Variants in ENPP3 observed in about 807,000 individuals in gnomAD.
ENPP3 encodes ectonucleotide pyrophosphatase/phosphodiesterase 3.
Under a neutral mutation model 117.8 loss-of-function variants are expected in ENPP3, and 104 were observed. The ratio of observed to expected loss-of-function variants is 0.88; its 90% CI spans 0.75 to 1.04. The LOEUF is 1.04. ENPP3 is among the 50% of genes least tolerant of loss of function. The pLI is 0.00. For missense variants in ENPP3, 1,026 were observed against 1,051.9 expected (o/e 0.98, Z 0.34); for synonymous variants, 380 against 349.9 (o/e 1.09, Z -0.96).
intron 7 of ENPP3, among the ~76,000 whole-genome samples, chr6:131,673,506 A>G (rs9493046): frequency 0.13 from 20,152 of 152,116 alleles, 1,715 homozygotes; most frequent in East Asian, 0.33. Flanking sequence ...AACAACAGAC[A>G]CTGGGGTCTG....
At chr6:131,728,624 C>A (rs1283904018) in intron 20 of ENPP3, among the ~76,000 whole-genome samples, 17 of 152,192 alleles carry the variant, frequency 1.1e-4, no homozygotes, top group Admixed American at 1.1e-3. Context: ...TTGGGATTCA[C>A]ATAAAAATGT....
intron 5 of ENPP3, among the ~76,000 whole-genome samples, chr6:131,656,051 GT>G (rs1309456046): frequency 6.6e-6 from 1 of 152,206 alleles, no homozygotes; most frequent in East Asian, 1.9e-4. Flanking sequence ...TTATGCTAGT[GT>G]TCTCTTTGCC....
At chr6:131,672,986 TA>T (rs1308853173) in intron 7 of ENPP3, among the ~76,000 whole-genome samples, 4 of 152,128 alleles carry the variant, frequency 2.6e-5, no homozygotes, top group Non-Finnish European at 4.4e-5. Context: ...TTAGCCAGGA[TA>T]TTTGATATAC....
intron 14 of ENPP3, among the ~76,000 whole-genome samples, chr6:131,692,941 TA>T (rs1183131646): frequency 1.4e-5 from 2 of 145,838 alleles, no homozygotes; most frequent in Non-Finnish European, 3.0e-5. Context: ...GATATATAGT[TA>T]TATATTATAC....
intron 11 of ENPP3, among the ~76,000 whole-genome samples, chr6:131,678,627 C>T (rs1016060818): frequency 2.0e-5 from 3 of 152,218 alleles, no homozygotes; most frequent in African/African-American, 4.8e-5. Context: ...CATGGAAACT[C>T]GTTGACAATT....
At chr6:131,741,934 A>G (rs772168093) in intron 24 of ENPP3, among the ~76,000 whole-genome samples, 2 of 152,176 alleles carry the variant, frequency 1.3e-5, no homozygotes, top group African/African-American at 2.4e-5. Context: ...AGGTGCTCAC[A>G]ATTAGAAATC....
intron 15 of ENPP3, among the ~76,000 whole-genome samples, chr6:131,707,023 T>A (rs1779656191): frequency 6.6e-6 from 1 of 151,216 alleles, no homozygotes; most frequent in African/African-American, 2.4e-5. Flanking sequence ...TGTTAACTTT[T>A]TAAAAACATG....
intron 14 of ENPP3, among the ~76,000 whole-genome samples, chr6:131,689,168 C>T (rs991400477): frequency 2.0e-5 from 3 of 152,108 alleles, no homozygotes; most frequent in African/African-American, 7.2e-5. Context: ...GCAAGTTATC[C>T]AGAAGATCTA....
chr6:131,737,058 A>C (rs1780412049), intron 21 of ENPP3, among the ~76,000 whole-genome samples: 3 of 152,212 alleles, frequency 2.0e-5, no homozygotes, highest in Admixed American at 2.0e-4. Flanking sequence ...CCCTAAATCC[A>C]GGATAATCTC....
At chr6:131,638,065 A>G (rs982414153) in intron 1 of ENPP3, among the ~76,000 whole-genome samples, 3 of 150,684 alleles carry the variant, frequency 2.0e-5, no homozygotes, top group Admixed American at 6.6e-5. Flanking sequence ...TCCCTTTGCC[A>G]TCAAACTTTT....
At chr6:131,646,274 CTGTGTGTGTGTGTG>C (rs34014584) in intron 2 of ENPP3, among the ~76,000 whole-genome samples, 1,474 of 145,604 alleles carry the variant, frequency 0.01, 25 homozygotes, top group African/African-American at 0.035. Flanking sequence ...TCTCAATACT[CTGTGTGTGTGTGTG>C]TGTGTGTGTG....
chr6:131,672,210 A>T (rs2114377722), intron 7 of ENPP3, among the ~76,000 whole-genome samples: 1 of 152,302 alleles, frequency 6.6e-6, no homozygotes, highest in Middle Eastern at 3.4e-3. Context: ...TAACCAGGAG[A>T]CATTCTGCTT....
chr6:131,685,450 GC>G lies in ENPP3; in HGVS notation c.1213del (p.Arg405AlafsTer36), dbSNP rs1779133135. ...INFFYMYEGPAPRIRAHNIPH... is the reference protein window; with the variant it reads ...INFFYMYEGPXPRIRAHNIPH... The stretch of plus-strand genomic sequence containing the variant: ...CTTCTTCTACATGTACGAAGGGCCT[GC>G]CCCCCGCATCCGAGCTCATAATATA... On this transcript the variant is annotated frameshift_variant, in exon 13 of 25. Coordinates refer to ENST00000357639, the MANE Select transcript of ENPP3 (RefSeq NM_005021.5). LOFTEE classifies it high-confidence loss of function. 6.2e-7 allele frequency: 1 copy of G among 1,613,890 alleles called. No individual in the cohort carries two copies. The highest frequency in any genetic ancestry group is 8.5e-7 in the Non-Finnish European group (1 of 1,179,876).
At chr6:131,687,140 A>G (rs577367410) in intron 14 of ENPP3, among the ~76,000 whole-genome samples, 40 of 152,300 alleles carry the variant, frequency 2.6e-4, no homozygotes, top group African/African-American at 9.1e-4. Flanking sequence ...TCAACAGTAT[A>G]TAAGTGTTCC....
In ENPP3 at chr6:131,671,401, A is replaced by C. The variant is rs145419950; in HGVS notation, c.642+74A>C. 1.3e-3 allele frequency: 1,144 copies of C among 882,806 alleles called. 14 individuals are homozygous for C. In the African/African-American group the frequency reaches 0.018, roughly 14 times the overall value. 54.7% of individuals were successfully genotyped at this position (882,806 alleles called of 1,614,324 possible). On this transcript the variant is annotated intron_variant, in intron 7 of 24. Transcript: ENST00000357639. ...ACATAAACAGACATGTTTGGGCAGG[A>C]ACTGACCGAGTTCTGTGACTTACCC...
intron 6 of ENPP3, among the ~76,000 whole-genome samples, chr6:131,670,658 A>G (rs1174608398): frequency 1.3e-5 from 2 of 151,948 alleles, no homozygotes; most frequent in Non-Finnish European, 2.9e-5. Context: ...ATGCCCAGCT[A>G]ATTTTTAATT....
intron 6 of ENPP3, among the ~76,000 whole-genome samples, chr6:131,658,623 A>T (rs1778435615): frequency 6.6e-6 from 1 of 152,114 alleles, no homozygotes; most frequent in South Asian, 2.1e-4. Flanking sequence ...TTTTGGTGGG[A>T]TGTTCAGCCT....
At chr6:131,697,056 C>T (rs1422599449) in intron 15 of ENPP3, among the ~76,000 whole-genome samples, 1 of 152,146 alleles carries the variant, frequency 6.6e-6, no homozygotes, top group South Asian at 2.1e-4. Context: ...CGTGAGCCAC[C>T]GTGCCGGCCT....
At chr6:131,684,453 G>T (rs1377903485) in intron 12 of ENPP3, among the ~76,000 whole-genome samples, 1 of 152,150 alleles carries the variant, frequency 6.6e-6, no homozygotes. Flanking sequence ...GCTGAGGTGG[G>T]TGGATCACCT....
Sources: allele counts gnomAD v4.1 joint callset (sites outside exome capture counted in the v4.1 genomes callset), GRCh38; gene constraint gnomAD v4.1.1; transcripts MANE v1.5; gene names NCBI Gene and HGNC (gene_info 2026-07-23, HGNC 2026-07-21).